The following NMS variants were observed in gnomAD, a reference collection of about 807,000 sequenced individuals.
NMS encodes neuromedin S.
A neutral mutation model predicts 32.2 loss-of-function variants in NMS; 30 were observed. That is an observed-to-expected ratio of 0.93 (90% CI 0.70 to 1.26). The LOEUF (loss-of-function observed/expected upper bound fraction) is 1.26. Among genes scored for constraint, NMS ranks in the 50% most tolerant of loss-of-function variants. NMS has a pLI of 0.00. For synonymous variants in NMS, 76 were observed against 58.5 expected, an observed-to-expected ratio of 1.30 and a Z score of -1.37; for missense variants, 190 against 186.3, an observed-to-expected ratio of 1.02 and a Z score of -0.12.
chr2:100,480,545 T>C lies in NMS; in HGVS notation c.372+14T>C. On this transcript the variant is annotated intron_variant, in intron 7 of 9. Transcript: ENST00000376865. ...TTCACCAAGAAGGTACACAAGAGCC[T>C]TGGAGACTGCGACCCCCAAAGAAAG... The C allele has an allele frequency of 6.2e-7, 1 of 1,612,488 alleles. No homozygotes were observed.
intron 8 of NMS, 51 bp downstream of exon 8, chr2:100,481,218 A>T: frequency 6.4e-7 from 1 of 1,557,170 alleles, no homozygotes; most frequent in Non-Finnish European, 8.9e-7. Context: ...CACTGCAGCC[A>T]TCCCAATCAT....
chr2:100,478,234 T>C (rs912433870), intron 5 of NMS, among the ~76,000 whole-genome samples: 25 of 151,950 alleles, frequency 1.6e-4, no homozygotes, highest in African/African-American at 6.0e-4. Flanking sequence ...AGTGCTGGGA[T>C]TACAGGCGTG....
At chr2:100,475,451 G>A (rs1278669717) in intron 3 of NMS, among the ~76,000 whole-genome samples, 1 of 152,152 alleles carries the variant, frequency 6.6e-6, no homozygotes, top group Non-Finnish European at 1.5e-5. Flanking sequence ...AACTCTTCAT[G>A]TTTCGTGTTT....
chr2:100,480,666 G>C (rs112101933), intron 7 of NMS, 135 bp downstream of exon 7: 8 of 826,390 alleles, frequency 9.7e-6, no homozygotes, highest in African/African-American at 6.9e-5. Flanking sequence ...AGGACCCTGA[G>C]AATCTTTTGT....
intron 1 of NMS, among the ~76,000 whole-genome samples, chr2:100,471,509 T>C (rs1353882079): frequency 6.6e-6 from 1 of 152,208 alleles, no homozygotes; most frequent in Non-Finnish European, 1.5e-5. Flanking sequence ...CTGCCAGCTA[T>C]GACAGCCAGG....
chr2:100,482,031 G>C (rs547783523), intron 8 of NMS, among the ~76,000 whole-genome samples: 17 of 152,298 alleles, frequency 1.1e-4, no homozygotes, highest in Admixed American at 6.5e-4. Flanking sequence ...AGACTAAAGG[G>C]GGGGGATGAT....
In NMS at chr2:100,481,406, T is replaced by A. The variant is rs531843541; in HGVS notation, c.414+239T>A. On this transcript the variant is annotated intron_variant, in intron 8 of 9. Transcript: ENST00000376865. ...ACCAGAGTAGGCGTAAGGGAGTTCTTCTGACAGACAGACACAAGGTAGACC... is the reference window on the plus strand; with the variant it reads ...ACCAGAGTAGGCGTAAGGGAGTTCTACTGACAGACAGACACAAGGTAGACC... Among the ~76,000 whole-genome samples, 1,076 of 152,264 alleles carry A rather than the reference T, an allele frequency of 7.1e-3. 5 individuals are homozygous for A. The highest frequency in any genetic ancestry group is 0.01 in the Non-Finnish European group (695 of 68,008).
chr2:100,470,645 T>C, intron 1 of NMS, 81 bp downstream of exon 1: 1 of 1,101,520 alleles, frequency 9.1e-7, no homozygotes. Flanking sequence ...AGGGCAGCTC[T>C]GGAGGGAGTC....
At chr2:100,479,329 C>T in intron 5 of NMS, 24 bp from the exon 6 acceptor site, 2 of 1,587,224 alleles carry the variant, frequency 1.3e-6, no homozygotes, top group South Asian at 1.1e-5. Flanking sequence ...CCTGTCTGAC[C>T]CTCTCCGCGC....
At chr2:100,479,735 A>G (rs1419123472) in intron 6 of NMS, among the ~76,000 whole-genome samples, 1 of 150,242 alleles carries the variant, frequency 6.7e-6, no homozygotes, top group Non-Finnish European at 1.5e-5. Context: ...TTTTTTTTTC[A>G]CTTCCCCTGT....
At chr2:100,479,578 C>A in intron 6 of NMS, 151 bp downstream of exon 6, 1 of 665,022 alleles carries the variant, frequency 1.5e-6, no homozygotes, top group Non-Finnish European at 2.5e-6. Context: ...AACTGCTGGT[C>A]CTTTGACCTC....
chr2:100,470,542 C>T lies in NMS; in HGVS notation c.54C>T (p.Cys18=), dbSNP rs767601953. 3 of 1,613,832 alleles carry T rather than the reference C, an allele frequency of 1.9e-6. No homozygotes were observed. Among genetic ancestry groups the T allele is most frequent in the Non-Finnish European group, 2.5e-6 (3 of 1,179,736 alleles). The change falls in exon 1 of 10, where the codon TGC becomes TGT. Residue 18 remains cysteine, a synonymous_variant. Coordinates refer to ENST00000376865, the MANE Select transcript of NMS (RefSeq NM_001011717.1). The part of the protein sequence containing the change: ...FPLILAIYCF[C]MLQIPSSGFP... Reference sequence around the variant, plus strand: ...TCATCTTGGCCATCTACTGCTTCTGCATGCTACAGATTCCCTCCTCAGGTA... The same window carrying T: ...TCATCTTGGCCATCTACTGCTTCTGTATGCTACAGATTCCCTCCTCAGGTA...
chr2:100,472,096 A>G (rs1420730093), intron 1 of NMS, among the ~76,000 whole-genome samples: 2 of 152,246 alleles, frequency 1.3e-5, no homozygotes, highest in African/African-American at 4.8e-5. Context: ...GTTTTTAAAC[A>G]TAAACTGCTC....
rs113520224 is a variant in NMS at position 100,480,336 on chromosome 2, C to T, written c.337-160C>T. On this transcript the variant is annotated intron_variant, in intron 6 of 9. Transcript: ENST00000376865. ...AGCAGGAGCTTGCTAGAGAAGATCA[C>T]GGCAGTGATCCCACCATTTGCCATG... Among the ~76,000 whole-genome samples, 1,143 of 152,332 alleles carry T rather than the reference C, an allele frequency of 7.5e-3. 5 individuals carry two copies. Among genetic ancestry groups the T allele is most frequent in the Non-Finnish European group, 0.01 (696 of 68,022 alleles).
intron 7 of NMS, 113 bp downstream of exon 7, chr2:100,480,644 G>A (rs1011471651): frequency 7.7e-6 from 8 of 1,033,994 alleles, no homozygotes; most frequent in Non-Finnish European, 1.0e-5. Flanking sequence ...TCTGGGCAGA[G>A]CTGGTCTCCA....
chr2:100,481,298 C>A, intron 8 of NMS, 131 bp downstream of exon 8: 1 of 861,646 alleles, frequency 1.2e-6, no homozygotes, highest in Non-Finnish European at 2.0e-6. Context: ...ACTCTCTCAT[C>A]CTTCACTGGG....
chr2:100,471,592 C>T (rs1285952052), intron 1 of NMS, among the ~76,000 whole-genome samples: 1 of 152,112 alleles, frequency 6.6e-6, no homozygotes, highest in Non-Finnish European at 1.5e-5. Flanking sequence ...TTTTATGTAT[C>T]TTTCTATATG....
chr2:100,480,148 G>A (rs1573237670), intron 6 of NMS, among the ~76,000 whole-genome samples: 1 of 152,312 alleles, frequency 6.6e-6, no homozygotes, highest in South Asian at 2.1e-4. Flanking sequence ...CAGTTTCACA[G>A]GCAATGAACA....
Position 100,473,520 on chromosome 2 carries a change from C to G in NMS, c.164C>G (p.Pro55Arg). ...QLAYCLSQWA[P>R]LSRQPKDNQD... ...GCATATTGTCTGAGTCAGTGGGCAC[C>G]TCTTTCTCGCCAACCTAAGGTAAAA... Residue 55 changes from proline to arginine, a missense_variant, in exon 3 of 10, where the codon CCT becomes CGT. Coordinates refer to ENST00000376865, the MANE Select transcript of NMS (RefSeq NM_001011717.1). 5.4e-6 allele frequency: 8 copies of G among 1,470,680 alleles called. No homozygotes were observed. Among genetic ancestry groups the G allele is most frequent in the Non-Finnish European group, 7.3e-6 (8 of 1,098,738 alleles). 91.1% of individuals were successfully genotyped at this position (1,470,680 alleles called of 1,614,324 possible).
Sources: gnomAD v4.1 joint callset for allele counts (sites outside exome capture counted in the v4.1 genomes callset) on GRCh38, gnomAD v4.1.1 for gene constraint, MANE v1.5 for transcripts, NCBI Gene and HGNC (gene_info 2026-07-23, HGNC 2026-07-21) for gene names.